MPDZ: variants seen among roughly 807,000 people sequenced by gnomAD.
MPDZ encodes the protein multiple PDZ domain protein.
A neutral mutation model predicts 239.1 loss-of-function variants in MPDZ; 234 were observed. That is an observed-to-expected ratio of 0.98 (90% CI 0.88 to 1.09). MPDZ has a LOEUF of 1.09. Ranked by LOEUF, MPDZ falls within the 50% of genes least tolerant of loss-of-function variation. The pLI is 0.00. For synonymous variants in MPDZ, 1,048 were observed against 881.3 expected (o/e 1.19, Z -3.35); for missense variants, 3,175 against 2,510.0 (o/e 1.26, Z -5.66).
In MPDZ at chr9:13,143,524, T is replaced by G; in HGVS notation, c.3782A>C (p.Lys1261Thr). The G allele has an allele frequency of 6.2e-7, 1 of 1,613,112 alleles. No homozygotes were observed. Among genetic ancestry groups the G allele is most frequent in the South Asian group, 1.1e-5 (1 of 91,070 alleles). ...LPSLLHNLYPKYNFSSTNPFA... is the reference protein window; with the variant it reads ...LPSLLHNLYPTYNFSSTNPFA... ...TGGGTTAGTGCTGCTGAAGTTGTAC[T>G]TAGGGTAAAGGTTGTGCAGCAAGGA... The change falls in exon 27 of 47, where the codon AAG becomes ACG. Residue 1261 changes from lysine (K) to threonine (T), a missense_variant. Physicochemically the swap from Lys to Thr is moderately conservative, Grantham distance 78. Coordinates refer to ENST00000319217, the MANE Select transcript of MPDZ (RefSeq NM_001378778.1).
Position 13,222,449 on chromosome 9 carries a change from A to G in MPDZ, c.534-3T>C, listed in dbSNP as rs565080760. 155 of 1,608,852 alleles carry G rather than the reference A, an allele frequency of 9.6e-5. 2 individuals carry two copies. The South Asian group carries it at 1.6e-3, about 17-fold the overall frequency. On this transcript the variant is annotated splice_region_variant and splice_polypyrimidine_tract_variant and intron_variant, in intron 5 of 46. Transcript: ENST00000319217. ...CAGTTTCTTTCAATCTTCCATCTCT[A>G]TCAAGGATGCAAAAGGGGATAAAAG...
At position 13,247,789 on chromosome 9, in the gene MPDZ, G is replaced by A. The variant is rs754680902; in HGVS notation, c.29C>T (p.Ala10Val). 3.1e-5 allele frequency: 50 copies of A among 1,604,752 alleles called. No homozygotes were observed. The highest frequency in any genetic ancestry group is 3.8e-5 in the Non-Finnish European group (44 of 1,172,700). Residue 10 changes from alanine (A) to valine (V), a missense_variant, in exon 3 of 47, where the codon GCC (alanine) becomes GTC (valine). Physicochemically the swap from Ala to Val is moderately conservative, Grantham distance 64. Coordinates refer to ENST00000319217, the MANE Select transcript of MPDZ (RefSeq NM_001378778.1). Reference protein sequence around the residue: MLEAIDKNRALHAAERLQTK... With the variant: MLEAIDKNRVLHAAERLQTK... ...TTGCAAGCGCTCTGCTGCATGCAGG[G>A]CCCGATTTTTGTCTATACCAAAGAG...
intron 2 of MPDZ, among the ~76,000 whole-genome samples, chr9:13,248,040 A>G (rs1167393308): frequency 6.6e-6 from 1 of 152,088 alleles, no homozygotes; most frequent in East Asian, 1.9e-4. Flanking sequence ...CAGCCTGGCC[A>G]AAATGATGAA....
chr9:13,202,225 G>C (rs1956468686), intron 12 of MPDZ, among the ~76,000 whole-genome samples: 1 of 152,116 alleles, frequency 6.6e-6, no homozygotes, highest in South Asian at 2.1e-4. Context: ...CTAACTCCTT[G>C]ACTTGCTATT....
intron 23 of MPDZ, among the ~76,000 whole-genome samples, chr9:13,161,649 T>A (rs1325128089): frequency 1.3e-5 from 2 of 152,068 alleles, no homozygotes; most frequent in Non-Finnish European, 2.9e-5. Context: ...CTCTACCACA[T>A]GCTTACAAGA....
chr9:13,107,054 C>G lies in MPDZ; in HGVS notation c.6124G>C (p.Gly2042Arg), dbSNP rs372509971. The change falls in exon 47 of 47, where the codon GGG becomes CGG. Residue 2042 changes from glycine to arginine, a missense_variant. By Grantham distance (125) the Gly-to-Arg change is moderately radical. Coordinates refer to ENST00000319217, the MANE Select transcript of MPDZ (RefSeq NM_001378778.1). ...TGGGTGACTCCTTCTAGACTCTGCC[C>G]ATTGACAGCAATGATCTGATCGCCC... ...KRGDQIIAVN[G>R]QSLEGVTHEE... The G allele has an allele frequency of 6.2e-7, 1 of 1,609,056 alleles. No individual in the cohort carries two copies. The highest frequency in any genetic ancestry group is 8.5e-7 in the Non-Finnish European group (1 of 1,176,398).
At chr9:13,157,914 G>A (rs755440055) in intron 24 of MPDZ, 104 bp downstream of exon 24, 18 of 905,036 alleles carry the variant, frequency 2.0e-5, no homozygotes, top group South Asian at 7.2e-5. Context: ...CAACTCACCC[G>A]ATATAACAAG....
At chr9:13,151,846 T>A (rs1459319229) in intron 24 of MPDZ, among the ~76,000 whole-genome samples, 1 of 151,794 alleles carries the variant, frequency 6.6e-6, no homozygotes, top group Non-Finnish European at 1.5e-5. Flanking sequence ...ATATGTTAAT[T>A]TTTACAAATA....
chr9:13,166,422 T>A (rs776391231), intron 22 of MPDZ, among the ~76,000 whole-genome samples: 1 of 152,134 alleles, frequency 6.6e-6, no homozygotes, highest in Non-Finnish European at 1.5e-5. Flanking sequence ...AAGCATTATG[T>A]AAGGATGATT....
chr9:13,277,261 A>G (rs77538591), intron 1 of MPDZ, among the ~76,000 whole-genome samples: 23,475 of 152,124 alleles, frequency 0.15, 2,017 homozygotes, highest in Non-Finnish European at 0.16. Flanking sequence ...AGGGACAAAG[A>G]AAACCAGAAC....
intron 1 of MPDZ, among the ~76,000 whole-genome samples, chr9:13,278,606 G>A (rs1005174988): frequency 1.3e-5 from 2 of 152,190 alleles, no homozygotes; most frequent in East Asian, 3.9e-4. Flanking sequence ...GGTAACATCC[G>A]GCATCCTGGG....
At chr9:13,160,830 T>TTATATATA (rs58374268) in intron 23 of MPDZ, among the ~76,000 whole-genome samples, 4,328 of 37,460 alleles carry the variant, frequency 0.12, 655 homozygotes, top group Non-Finnish European at 0.13. Context: ...ATTATTAAAA[T>TTATATATA]TATATATATA....
chr9:13,122,738 A>C (rs1175094912), intron 36 of MPDZ, among the ~76,000 whole-genome samples: 3 of 152,108 alleles, frequency 2.0e-5, no homozygotes, highest in African/African-American at 7.2e-5. Context: ...GCTGATCTCA[A>C]ACTCCTGGCC....
At chr9:13,253,048 C>G (rs1968521565) in intron 1 of MPDZ, among the ~76,000 whole-genome samples, 1 of 152,102 alleles carries the variant, frequency 6.6e-6, no homozygotes, top group African/African-American at 2.4e-5. Flanking sequence ...GTGTTCCTGA[C>G]ATACATGGGA....
intron 32 of MPDZ, among the ~76,000 whole-genome samples, chr9:13,130,352 A>T (rs1422706796): frequency 6.6e-6 from 1 of 152,180 alleles, no homozygotes; most frequent in Admixed American, 6.5e-5. Flanking sequence ...CCACTTTTAG[A>T]CAATGCAAAA....
chr9:13,118,133 C>T (rs1165686993), intron 39 of MPDZ, among the ~76,000 whole-genome samples: 1 of 152,170 alleles, frequency 6.6e-6, no homozygotes, highest in Non-Finnish European at 1.5e-5. Context: ...CATGAGCCAC[C>T]ACACCTGGTG....
intron 3 of MPDZ, among the ~76,000 whole-genome samples, chr9:13,243,508 A>C (rs1202424112): frequency 6.6e-6 from 1 of 152,148 alleles, no homozygotes. Context: ...TTATTTAACA[A>C]GTCTTGCCAT....
rs746473799 is a variant in MPDZ at position 13,126,466 on chromosome 9, A to G, written c.4632+50T>C. 3 of 1,279,720 alleles carry G rather than the reference A, an allele frequency of 2.3e-6. No individual in the cohort carries two copies. The South Asian group carries it at 4.0e-5, about 17-fold the overall frequency. The allele number at this position is 1,279,720 out of a possible 1,614,324, so 79.3% of individuals were successfully genotyped here. A position where few individuals can be genotyped will look rare whatever the true frequency, so the allele number is the denominator to read the frequency against. The stretch of plus-strand genomic sequence containing the variant: ...GATCGCAGACACAAACACTTTAATC[A>G]TGCCCAAGGATGGGCCTACATTACC... On this transcript the variant is annotated intron_variant, in intron 34 of 46. Coordinates refer to ENST00000319217, the MANE Select transcript of MPDZ (RefSeq NM_001378778.1).
intron 32 of MPDZ, among the ~76,000 whole-genome samples, chr9:13,131,180 T>A (rs1301168097): frequency 6.6e-6 from 1 of 152,168 alleles, no homozygotes; most frequent in Non-Finnish European, 1.5e-5. Flanking sequence ...TGCTTAATTT[T>A]TACTCCCAGA....
Sources: allele counts gnomAD v4.1 joint callset (sites outside exome capture counted in the v4.1 genomes callset), GRCh38; gene constraint gnomAD v4.1.1; transcripts MANE v1.5; gene names NCBI Gene and HGNC (gene_info 2026-07-23, HGNC 2026-07-21).